Variants in ST6GALNAC6 observed in about 807,000 individuals in gnomAD.
ST6GALNAC6 encodes ST6 N-acetylgalactosaminide alpha-2,6-sialyltransferase 6, also known as alpha-N-acetylgalactosaminide alpha-2,6-sialyltransferase 6.
Under a neutral mutation model 34.3 loss-of-function variants are expected in ST6GALNAC6, and 19 were observed. The observed-to-expected ratio is 0.55, with a 90% CI of 0.39 to 0.81. ST6GALNAC6 has a LOEUF of 0.81. ST6GALNAC6 is among the 40% of genes least tolerant of loss of function. ST6GALNAC6 has a pLI of 0.00. For missense variants in ST6GALNAC6, 377 were observed against 467.7 expected (o/e 0.81, Z 1.79); for synonymous variants, 185 against 182.1 (o/e 1.02, Z -0.13).
chr9:127,896,325 G>T lies in ST6GALNAC6; in HGVS notation c.34C>A (p.Pro12Thr). The T allele has an allele frequency of 6.2e-7, 1 of 1,611,314 alleles. No homozygotes were observed. The highest frequency in any genetic ancestry group is 8.5e-7 in the Non-Finnish European group (1 of 1,178,584). ...ACSRPPSQCEPTSLPPGPPAG... is the reference protein window; with the variant it reads ...ACSRPPSQCETTSLPPGPPAG... ...GGTGGCCCTGGGGGCAGGGATGTGG[G>T]TTCACACCTGCAAGCCACCAGAAAG... The change falls in exon 3 of 7, where the codon CCC (proline) becomes ACC (threonine). Residue 12 changes from proline (P) to threonine (T), a missense_variant. Coordinates refer to ENST00000373146, the MANE Select transcript of ST6GALNAC6 (RefSeq NM_013443.5).
At chr9:127,902,866 G>A (rs965737608), upstream of ST6GALNAC6, 2 of 150,892 alleles carry the variant, frequency 1.3e-5, no homozygotes, top group African/African-American at 4.9e-5. Context: ...TAGGATTACA[G>A]GCATGAGTCA....
At chr9:127,900,889 CAGG>C (rs1237640394), upstream of ST6GALNAC6, among the ~76,000 whole-genome samples, 4 of 142,322 alleles carry the variant, frequency 2.8e-5, no homozygotes, top group African/African-American at 1.1e-4. Context: ...GAGGCTGAGG[CAGG>C]AGAATCACTT....
At position 127,890,888 on chromosome 9, in the gene ST6GALNAC6, G is replaced by T; in HGVS notation, c.453C>A (p.Thr151=). Residue 151 remains threonine, a synonymous_variant, in exon 5 of 7, where the codon ACC becomes ACA. Transcript: ENST00000373146. This position sits in a 1 kb window ranked among gnomAD's most constrained non-coding sequence, Gnocchi z 4.3. ...TGYSADVGNK[T]TYRVVAHSSV... ...TGGAATGGGCCACGACGCGGTAGGT[G>T]GTCTTGTTGCCCACATCAGCTGAGT... 1 of 1,614,184 alleles carries T rather than the reference G, an allele frequency of 6.2e-7. No homozygotes were observed. Among genetic ancestry groups the T allele is most frequent in the Non-Finnish European group, 8.5e-7 (1 of 1,180,034 alleles).
At position 127,890,724 on chromosome 9, in the gene ST6GALNAC6, A is replaced by T; in HGVS notation, c.617T>A (p.Val206Glu). 2 of 1,613,776 alleles carry T rather than the reference A, an allele frequency of 1.2e-6. No individual in the cohort carries two copies. Among genetic ancestry groups the T allele is most frequent in the Non-Finnish European group, 1.7e-6 (2 of 1,179,930 alleles). The part of the protein sequence containing the change: ...LVRVIQRAGL[V>E]FPNMEAYAVS... ...GGCATATGCTTCCATGTTGGGGAAC[A>T]CCAGGCCCGCTCGCTGGATCACACG... Residue 206 changes from valine (V) to glutamate (E), a missense_variant, in exon 5 of 7, where the codon GTG (valine) becomes GAG (glutamate). By Grantham distance (121) the Val-to-Glu change is moderately radical. Transcript: ENST00000373146. This position sits in a 1 kb window ranked among gnomAD's most constrained non-coding sequence, Gnocchi z 4.3.
At chr9:127,897,599 G>T (rs1007554027) in intron 2 of ST6GALNAC6, among the ~76,000 whole-genome samples, 2 of 152,070 alleles carry the variant, frequency 1.3e-5, no homozygotes, top group African/African-American at 4.8e-5. Context: ...TCTAGTCCAG[G>T]CCCTGCGGTA....
chr9:127,887,796 G>A (rs910144721), intron 5 of ST6GALNAC6, among the ~76,000 whole-genome samples: 10 of 152,238 alleles, frequency 6.6e-5, no homozygotes, highest in African/African-American at 2.4e-4. Flanking sequence ...GAGGGGTGTG[G>A]AGGGAGCTCC....
At chr9:127,887,864 G>A (rs1829878187) in intron 5 of ST6GALNAC6, among the ~76,000 whole-genome samples, 1 of 152,316 alleles carries the variant, frequency 6.6e-6, no homozygotes, top group East Asian at 1.9e-4. Flanking sequence ...CTGGGGAGCT[G>A]GGTCACAGTT....
chr9:127,903,970 T>C (rs1197126488), upstream of ST6GALNAC6: 1 of 152,234 alleles, frequency 6.6e-6, no homozygotes, highest in Non-Finnish European at 1.5e-5. Flanking sequence ...CCGCCTGCCA[T>C]GTCTCTGGGC....
upstream of ST6GALNAC6, chr9:127,905,415 A>C: frequency 1.0e-6 from 1 of 985,336 alleles, no homozygotes; most frequent in Non-Finnish European, 1.2e-6. Context: ...TAAATACCCC[A>C]CCCGAGGGTA....
intron 2 of ST6GALNAC6, chr9:127,896,777 C>T: frequency 1.2e-6 from 1 of 843,762 alleles, no homozygotes; most frequent in African/African-American, 1.8e-5. Context: ...CTCCTATGGC[C>T]TCCTGACTCC....
In ST6GALNAC6 at chr9:127,887,542, C is replaced by T; in HGVS notation, c.754G>A (p.Ala252Thr). 3 of 1,612,958 alleles carry T rather than the reference C, an allele frequency of 1.9e-6. No individual in the cohort carries two copies. Among genetic ancestry groups the T allele is most frequent in the Non-Finnish European group, 1.7e-6 (2 of 1,179,492 alleles). Residue 252 changes from alanine (A) to threonine (T), a missense_variant, in exon 6 of 7, where the codon GCG (alanine) becomes ACG (threonine). Coordinates refer to ENST00000373146, the MANE Select transcript of ST6GALNAC6 (RefSeq NM_013443.5). Reference sequence around the variant, plus strand: ...TGCACGTGGTCACACAACTCCACCGCGATCACCATGGTAAACCAGCCTGTG... The same window carrying T: ...TGCACGTGGTCACACAACTCCACCGTGATCACCATGGTAAACCAGCCTGTG... The part of the protein sequence containing the change: ...LSTGWFTMVI[A>T]VELCDHVHVY...
intron 5 of ST6GALNAC6, among the ~76,000 whole-genome samples, chr9:127,889,529 C>T (rs1293871744): frequency 6.6e-6 from 1 of 151,384 alleles, no homozygotes; most frequent in Admixed American, 6.6e-5. Flanking sequence ...CTGAAACCTC[C>T]ACCTCCCCGG....
At chr9:127,906,441 G>A (rs1010725282), upstream of ST6GALNAC6, among the ~76,000 whole-genome samples, 2 of 152,164 alleles carry the variant, frequency 1.3e-5, no homozygotes, top group African/African-American at 4.8e-5. Flanking sequence ...ATGCCTGGAA[G>A]GGGTGATGCT....
At chr9:127,905,065 T>TC (rs1294856703) in intron 1 of ST6GALNAC6, 1 of 317,526 alleles carries the variant, frequency 3.1e-6, no homozygotes, top group African/African-American at 2.3e-5. Flanking sequence ...CCCTCTGGGC[T>TC]TGGAGGAAGT....
At chr9:127,900,931 C>T (rs1000224713), upstream of ST6GALNAC6, among the ~76,000 whole-genome samples, 2 of 137,740 alleles carry the variant, frequency 1.5e-5, no homozygotes, top group East Asian at 2.2e-4. Context: ...TTGCAGTGAG[C>T]CGAGATCATG....
At position 127,890,277 on chromosome 9, in the gene ST6GALNAC6, A is replaced by C. The variant is rs908103028; in HGVS notation, c.704+360T>G. Among the ~76,000 whole-genome samples, 5 of 152,286 alleles carry C rather than the reference A, an allele frequency of 3.3e-5. No homozygotes were observed. The East Asian group carries it at 9.6e-4, about 29-fold the overall frequency. ...AGCAACTGTGTGCTTAAGGCAAGAC[A>C]TGCTGGGAACAGTCAAGACTTTACA... On this transcript the variant is annotated intron_variant, in intron 5 of 6. Transcript: ENST00000373146. This position sits in a 1 kb window ranked among gnomAD's most constrained non-coding sequence, Gnocchi z 4.3.
chr9:127,895,641 C>T (rs1830407571), intron 3 of ST6GALNAC6, among the ~76,000 whole-genome samples: 1 of 152,176 alleles, frequency 6.6e-6, no homozygotes, highest in African/African-American at 2.4e-5. Context: ...CTATTATAGT[C>T]AATAATTTTT....
At position 127,899,593 on chromosome 9, in the gene ST6GALNAC6, G is replaced by A. The variant is rs1830675331; in HGVS notation, c.-120C>T. On this transcript the variant is annotated 5_prime_UTR_variant, in exon 1 of 7. Transcript: ENST00000373146. The stretch of plus-strand genomic sequence containing the variant: ...CGCCGGGGTCCGCGCTCCTCAGGCC[G>A]CCCAGGCCTCGCCGCACCCGCGGCC... 4.1e-6 allele frequency: 4 copies of A among 981,554 alleles called. No individual in the cohort carries two copies. The highest frequency in any genetic ancestry group is 1.1e-4 in the East Asian group (1 of 8,748). The allele number at this position is 981,554 out of a possible 1,614,324, so 60.8% of individuals were successfully genotyped here. A position where few individuals can be genotyped will look rare whatever the true frequency, so the allele number is the denominator to read the frequency against.
intron 3 of ST6GALNAC6, 123 bp downstream of exon 3, chr9:127,896,119 G>A: frequency 8.6e-7 from 1 of 1,159,560 alleles, no homozygotes; most frequent in African/African-American, 1.5e-5. Context: ...TCCCAGGCAT[G>A]GGCAGCTTCT....
Sources: gnomAD v4.1 joint callset for allele counts (sites outside exome capture counted in the v4.1 genomes callset) on GRCh38, gnomAD v4.1.1 for gene constraint, Gnocchi (gnomAD v3.1) non-coding constraint, MANE v1.5 for transcripts, NCBI Gene and HGNC (gene_info 2026-07-23, HGNC 2026-07-21) for gene names.